The following HDAC8 variants were observed in gnomAD, a reference collection of about 807,000 sequenced individuals.
HDAC8 encodes the protein histone deacetylase 8.
HDAC8 carries 1 observed loss-of-function variant against 32.2 expected under a neutral mutation model. The ratio of observed to expected loss-of-function variants is 0.03; its 90% CI spans 0.01 to 0.15. The LOEUF (loss-of-function observed/expected upper bound fraction) is 0.15, where lower values mean the gene tolerates loss of function less well. HDAC8 is among the 10% of genes least tolerant of loss of function. The pLI is 1.00. For missense variants in HDAC8, 117 were observed against 300.0 expected, an observed-to-expected ratio of 0.39 and a Z score of 4.51; for synonymous variants, 108 against 113.9, an observed-to-expected ratio of 0.95 and a Z score of 0.33.
At chrX:72,475,956 T>C (rs1252580980) in intron 7 of HDAC8, among the ~76,000 whole-genome samples, 1 of 111,460 alleles carries the variant, frequency 9.0e-6, no homozygotes, top group African/African-American at 3.3e-5. Flanking sequence ...TATAGAAACA[T>C]AGATTCTAAC....
At chrX:72,533,788 A>G (rs928029544) in intron 4 of HDAC8, among the ~76,000 whole-genome samples, 3 of 111,919 alleles carry the variant, frequency 2.7e-5, no homozygotes, top group Non-Finnish European at 5.6e-5. Context: ...ACAGACTCAG[A>G]AAAACCATTT....
chrX:72,500,719 A>G (rs2049183663), intron 4 of HDAC8, among the ~76,000 whole-genome samples: 1 of 112,179 alleles, frequency 8.9e-6, no homozygotes, highest in Non-Finnish European at 1.9e-5. Context: ...GGCACAAGAC[A>G]AAGATGCTCT....
chrX:72,492,962 T>C (rs2048914131), intron 5 of HDAC8, among the ~76,000 whole-genome samples: 1 of 111,609 alleles, frequency 9.0e-6, no homozygotes, highest in Non-Finnish European at 1.9e-5. Flanking sequence ...AAAAAATTAA[T>C]TAGAAATACA....
chrX:72,374,535 G>A (rs925782591), intron 9 of HDAC8, among the ~76,000 whole-genome samples: 5 of 110,765 alleles, frequency 4.5e-5, no homozygotes, highest in Non-Finnish European at 7.6e-5. Flanking sequence ...AGCTGGGTGC[G>A]GTAGCACACG....
At chrX:72,474,224 A>G (rs782070587) in intron 7 of HDAC8, 4 of 744,330 alleles carry the variant, frequency 5.4e-6, no homozygotes, top group African/African-American at 4.6e-5. Context: ...ACAGCATTCT[A>G]TCTCTTATGG....
chrX:72,339,642 C>T (rs1277666142), intron 10 of HDAC8, among the ~76,000 whole-genome samples: 1 of 111,958 alleles, frequency 8.9e-6, no homozygotes, highest in Non-Finnish European at 1.9e-5. Context: ...CATATCAAGG[C>T]CAGGGCCTTA....
chrX:72,413,872 T>C (rs782502886), intron 9 of HDAC8, among the ~76,000 whole-genome samples: 1 of 112,249 alleles, frequency 8.9e-6, no homozygotes, highest in East Asian at 2.8e-4. Flanking sequence ...CTCAGGTATG[T>C]CCTTATAGCA....
At chrX:72,352,399 G>C (rs1555949213) in intron 9 of HDAC8, among the ~76,000 whole-genome samples, 1 of 111,596 alleles carries the variant, frequency 9.0e-6, no homozygotes, top group East Asian at 2.8e-4. Context: ...TCACATGCAG[G>C]TCATTGTGCT....
intron 4 of HDAC8, 87 bp from the exon 5 acceptor site, chrX:72,495,355 G>T: frequency 2.1e-6 from 1 of 480,929 alleles, no homozygotes. Flanking sequence ...TTGAGATCTA[G>T]TCCCCTAAAG....
chrX:72,460,943 G>C (rs782097474), intron 9 of HDAC8, among the ~76,000 whole-genome samples: 1 of 112,249 alleles, frequency 8.9e-6, no homozygotes, highest in Non-Finnish European at 1.9e-5. Flanking sequence ...TCAAATTATA[G>C]TGTACCTTCT....
intron 9 of HDAC8, among the ~76,000 whole-genome samples, chrX:72,403,088 T>A (rs1371739412): frequency 1.5e-4 from 17 of 111,915 alleles, no homozygotes; most frequent in Admixed American, 5.7e-4. Flanking sequence ...CTTGCTTTTT[T>A]AAAAAAATCT....
intron 9 of HDAC8, among the ~76,000 whole-genome samples, chrX:72,379,490 G>GTTTT (rs1191306787): frequency 1.1e-3 from 41 of 38,886 alleles, no homozygotes; most frequent in African/African-American, 1.1e-3. Context: ...TTTGTTTAGT[G>GTTTT]TTTTTTTTTT....
intron 9 of HDAC8, among the ~76,000 whole-genome samples, chrX:72,426,125 C>G (rs1196250998): frequency 5.3e-5 from 6 of 112,292 alleles, no homozygotes; most frequent in African/African-American, 1.6e-4. Context: ...TTTAAGACAG[C>G]TCTCTCTTTC....
At chrX:72,374,752 C>T (rs1201564353) in intron 9 of HDAC8, among the ~76,000 whole-genome samples, 1 of 110,373 alleles carries the variant, frequency 9.1e-6, no homozygotes, top group Non-Finnish European at 1.9e-5. Context: ...TTTTTTTCCC[C>T]ATTCTGTGAG....
At chrX:72,554,425 G>A (rs1423726867) in intron 4 of HDAC8, among the ~76,000 whole-genome samples, 5 of 106,776 alleles carry the variant, frequency 4.7e-5, no homozygotes, top group Non-Finnish European at 9.6e-5. Flanking sequence ...CATGGTCTGG[G>A]GCAAGTTCTC....
chrX:72,532,656 C>T (rs1382008420), intron 4 of HDAC8, among the ~76,000 whole-genome samples: 1 of 109,983 alleles, frequency 9.1e-6, no homozygotes, highest in Non-Finnish European at 1.9e-5. Flanking sequence ...TTATTGACTA[C>T]TTGTATATCT....
At chrX:72,470,630 A>G (rs1274965830) in intron 7 of HDAC8, among the ~76,000 whole-genome samples, 1 of 111,090 alleles carries the variant, frequency 9.0e-6, no homozygotes, top group African/African-American at 3.3e-5. Context: ...CCGCCTATAC[A>G]TACTTCTTGC....
intron 4 of HDAC8, among the ~76,000 whole-genome samples, chrX:72,502,606 C>A (rs782650262): frequency 6.3e-5 from 7 of 111,161 alleles, no homozygotes; most frequent in Non-Finnish European, 1.1e-4. Flanking sequence ...TATCCCCGAA[C>A]CTAAACTAAA....
At chrX:72,434,082 A>T (rs781893056) in intron 9 of HDAC8, among the ~76,000 whole-genome samples, 9 of 112,382 alleles carry the variant, frequency 8.0e-5, no homozygotes, top group Non-Finnish European at 1.5e-4. Flanking sequence ...CTTTTCTCTC[A>T]TGTATTCCTT....
Sources: gnomAD v4.1 joint callset for allele counts (sites outside exome capture counted in the v4.1 genomes callset) on GRCh38, gnomAD v4.1.1 for gene constraint, MANE v1.5 for transcripts, NCBI Gene and HGNC (gene_info 2026-07-23, HGNC 2026-07-21) for gene names.